Variants in EXOC4 observed in about 807,000 individuals in gnomAD.
EXOC4 encodes SEC8-like 1.
A neutral mutation model predicts 107.2 loss-of-function variants in EXOC4; 71 were observed. The observed-to-expected ratio is 0.66, with a 90% CI of 0.55 to 0.81. The LOEUF is 0.81. Among genes scored for constraint, EXOC4 ranks in the 30% least tolerant of loss-of-function variants. The pLI, the probability that EXOC4 is intolerant of heterozygous loss-of-function variation, is 0.00. For missense variants in EXOC4, 1,108 were observed against 1,189.6 expected, an observed-to-expected ratio of 0.93 and a Z score of 1.01; for synonymous variants, 456 against 441.2, an observed-to-expected ratio of 1.03 and a Z score of -0.42.
At chr7:134,004,758 C>T (rs1794603421) in intron 15 of EXOC4, among the ~76,000 whole-genome samples, 154 bp from the exon 16 acceptor site, 1 of 152,132 alleles carries the variant, frequency 6.6e-6, no homozygotes, top group Non-Finnish European at 1.5e-5. Flanking sequence ...TAGTGTCTGG[C>T]ACAAATAGGG....
intron 9 of EXOC4, among the ~76,000 whole-genome samples, chr7:133,599,684 T>G (rs1383524693): frequency 6.6e-6 from 1 of 152,118 alleles, no homozygotes; most frequent in Non-Finnish European, 1.5e-5. Context: ...GACCAAACCT[T>G]TTATTTTTTG....
At chr7:133,306,326 A>T (rs1024543841) in intron 4 of EXOC4, among the ~76,000 whole-genome samples, 1 of 152,168 alleles carries the variant, frequency 6.6e-6, no homozygotes, top group Non-Finnish European at 1.5e-5. Flanking sequence ...TCATATTCTG[A>T]ATCAGAGACA....
intron 11 of EXOC4, among the ~76,000 whole-genome samples, chr7:133,846,646 G>T (rs1291201054): frequency 6.6e-6 from 1 of 152,180 alleles, no homozygotes; most frequent in Non-Finnish European, 1.5e-5. Context: ...TTTCTTTTTG[G>T]GCTATGCTGT....
intron 10 of EXOC4, among the ~76,000 whole-genome samples, chr7:133,654,374 A>G (rs565615345): frequency 6.6e-6 from 1 of 152,280 alleles, no homozygotes; most frequent in South Asian, 2.1e-4. Context: ...AATGGGAATG[A>G]TATTATTAAG....
intron 4 of EXOC4, among the ~76,000 whole-genome samples, chr7:133,309,223 A>C (rs1289151985): frequency 6.6e-6 from 1 of 152,160 alleles, no homozygotes; most frequent in East Asian, 1.9e-4. Flanking sequence ...GACCACTATT[A>C]TTTGGTCTTC....
intron 7 of EXOC4, among the ~76,000 whole-genome samples, chr7:133,466,401 C>T (rs756697188): frequency 1.3e-5 from 2 of 152,072 alleles, no homozygotes; most frequent in Non-Finnish European, 2.9e-5. Context: ...TAACTACAGG[C>T]TCTACAGAAA....
chr7:133,639,152 A>G (rs1802785278), intron 10 of EXOC4, among the ~76,000 whole-genome samples: 1 of 152,170 alleles, frequency 6.6e-6, no homozygotes, highest in South Asian at 2.1e-4. Flanking sequence ...TAGGGGGAAA[A>G]TACAGTCTCT....
intron 5 of EXOC4, among the ~76,000 whole-genome samples, chr7:133,325,793 T>A (rs1400013746): frequency 2.6e-5 from 4 of 152,152 alleles, no homozygotes; most frequent in African/African-American, 9.7e-5. Flanking sequence ...CCTGTATAAT[T>A]TCCTGCAGAG....
chr7:133,253,371 T>G, intron 1 of EXOC4, 184 bp downstream of exon 1: 1 of 1,398,340 alleles, frequency 7.2e-7, no homozygotes, highest in Non-Finnish European at 9.3e-7. Flanking sequence ...CTTTTTTTTC[T>G]GGGGTTAGCT....
intron 12 of EXOC4, among the ~76,000 whole-genome samples, 169 bp downstream of exon 12, chr7:133,895,904 C>T (rs1452880764): frequency 5.9e-5 from 9 of 152,076 alleles, no homozygotes. Context: ...GTAGTCAGAC[C>T]AACAGAGAGA....
At chr7:133,958,279 T>A (rs1447816097) in intron 14 of EXOC4, among the ~76,000 whole-genome samples, 4 of 147,946 alleles carry the variant, frequency 2.7e-5, no homozygotes, top group Admixed American at 6.8e-5. Flanking sequence ...TTTTTTTTTC[T>A]CCCTCACATT....
At chr7:133,729,272 T>G (rs1795277176) in intron 10 of EXOC4, among the ~76,000 whole-genome samples, 1 of 152,188 alleles carries the variant, frequency 6.6e-6, no homozygotes, top group South Asian at 2.1e-4. Flanking sequence ...CTTGGTTACC[T>G]TCTATTGAGT....
intron 9 of EXOC4, among the ~76,000 whole-genome samples, chr7:133,589,107 G>C (rs1036069434): frequency 6.6e-6 from 1 of 152,104 alleles, no homozygotes; most frequent in Non-Finnish European, 1.5e-5. Flanking sequence ...TATAAGTGAT[G>C]GTATCAGCCA....
chr7:133,503,728 G>C (rs1375597280), intron 9 of EXOC4, among the ~76,000 whole-genome samples: 1 of 152,054 alleles, frequency 6.6e-6, no homozygotes, highest in African/African-American at 2.4e-5. Flanking sequence ...TATTTCCTTT[G>C]TTGGGAAATG....
chr7:134,019,444 G>A (rs1381996808), intron 17 of EXOC4, among the ~76,000 whole-genome samples: 9 of 151,084 alleles, frequency 6.0e-5, no homozygotes, highest in Non-Finnish European at 1.2e-4. Flanking sequence ...TGATGATGAT[G>A]ATGACATATT....
the EXOC4 span, among the ~76,000 whole-genome samples, chr7:134,083,414 C>T: frequency 6.6e-6 from 1 of 152,212 alleles, no homozygotes; most frequent in Non-Finnish European, 1.5e-5. Context: ...TAATCCAAGA[C>T]TTAGTAGCTT....
chr7:133,351,608 T>C (rs2150647334), intron 5 of EXOC4, among the ~76,000 whole-genome samples: 1 of 152,082 alleles, frequency 6.6e-6, no homozygotes, highest in African/African-American at 2.4e-5. Context: ...AGATTTGTTA[T>C]TTTTGATGAT....
chr7:134,031,568 A>G (rs1795272022), intron 17 of EXOC4, among the ~76,000 whole-genome samples: 1 of 152,184 alleles, frequency 6.6e-6, no homozygotes, highest in East Asian at 1.9e-4. Flanking sequence ...CAGGTAGAGG[A>G]GGAGTAGATT....
intron 9 of EXOC4, among the ~76,000 whole-genome samples, chr7:133,566,005 C>T (rs1800899269): frequency 6.6e-6 from 1 of 151,966 alleles, no homozygotes; most frequent in Admixed American, 6.6e-5. Context: ...AATAGTTGCA[C>T]TTTATTGGGG....
Sources: gnomAD v4.1 joint callset for allele counts (sites outside exome capture counted in the v4.1 genomes callset) on GRCh38, gnomAD v4.1.1 for gene constraint, MANE v1.5 for transcripts, NCBI Gene and HGNC (gene_info 2026-07-23, HGNC 2026-07-21) for gene names.